APBB1IP: variants seen among roughly 807,000 people sequenced by gnomAD.
APBB1IP encodes the protein amyloid beta A4 precursor protein-binding family B member 1-interacting protein.
Under a neutral mutation model 64.9 loss-of-function variants are expected in APBB1IP, and 27 were observed. That is an observed-to-expected ratio of 0.42 (90% confidence interval 0.31 to 0.57). The LOEUF is 0.57. APBB1IP is among the 20% of genes least tolerant of loss of function. The probability of loss-of-function intolerance (pLI) is 0.20; values close to 1 mark genes in which losing one functional copy is unlikely to be tolerated. For missense variants in APBB1IP, 812 were observed against 845.5 expected, an observed-to-expected ratio of 0.96 and a Z score of 0.49; for synonymous variants, 392 against 331.0, an observed-to-expected ratio of 1.18 and a Z score of -2.00.
intron 11 of APBB1IP, among the ~76,000 whole-genome samples, chr10:26,547,876 TC>T (rs1449138166): frequency 2.0e-5 from 3 of 152,236 alleles, no homozygotes; most frequent in African/African-American, 7.2e-5. Flanking sequence ...ACACTATCTT[TC>T]CCTCAATGTG....
chr10:26,496,194 C>T (rs1836021820), intron 3 of APBB1IP, 110 bp from the exon 4 acceptor site: 6 of 787,144 alleles, frequency 7.6e-6, no homozygotes, highest in South Asian at 1.8e-5. Flanking sequence ...AGAGAACACA[C>T]TAAGGGAGAA....
At chr10:26,529,310 T>C (rs1564370278) in intron 8 of APBB1IP, among the ~76,000 whole-genome samples, 1 of 152,274 alleles carries the variant, frequency 6.6e-6, no homozygotes, top group Non-Finnish European at 1.5e-5. Flanking sequence ...GCAATCAGTC[T>C]TATTATTCTA....
intron 2 of APBB1IP, among the ~76,000 whole-genome samples, chr10:26,439,785 G>A (rs1293228910): frequency 1.3e-5 from 2 of 152,206 alleles, no homozygotes; most frequent in African/African-American, 2.4e-5. Flanking sequence ...TTTTCTGGTG[G>A]CATAACGTGG....
At position 26,536,199 on chromosome 10, in the gene APBB1IP, A is replaced by G. The variant is rs764604304; in HGVS notation, c.1026A>G (p.Val342=). The G allele has an allele frequency of 1.3e-6, 2 of 1,572,480 alleles. No individual in the cohort carries two copies. The highest frequency in any genetic ancestry group is 1.2e-5 in the South Asian group (1 of 83,506). The change falls in exon 10 of 15, where the codon GTA becomes GTG. Residue 342 remains valine, a synonymous_variant. Transcript: ENST00000376236. The part of the protein sequence containing the change: ...FLLRASGIYY[V]PKGKTKTSRD... ...TACGGGCTTCTGGAATTTATTATGT[A>G]CCCAAAGGAAAGACTAAGGTCAGAA...
Position 26,511,771 on chromosome 10 carries a change from G to A in APBB1IP, c.556G>A (p.Asp186Asn). The A allele has an allele frequency of 6.2e-7, 1 of 1,614,166 alleles. No individual in the cohort carries two copies. Among genetic ancestry groups the A allele is most frequent in the East Asian group, 2.2e-5 (1 of 44,878 alleles). Residue 186 changes from aspartate to asparagine, a missense_variant, in exon 7 of 15, where the codon GAT (aspartate) becomes AAT (asparagine). Asp to Asn is a conservative substitution (Grantham distance 23). Around this residue, in one of 3 missense-constraint regions of APBB1IP, gnomAD observed 394 missense variants for 413.1 expected, o/e 0.95. Transcript: ENST00000376236. ...GCTCGTCGTCAAGGTGCACATGAAT[G>A]ATAACAGCACAAAGTCACTGATGGT... ...KKLVVKVHMN[D>N]NSTKSLMVDE... is the part of the protein sequence containing the mutation.
At chr10:26,479,496 A>T (rs920054005) in intron 2 of APBB1IP, among the ~76,000 whole-genome samples, 3 of 152,168 alleles carry the variant, frequency 2.0e-5, no homozygotes, top group Non-Finnish European at 2.9e-5. Context: ...TGAACCCAAA[A>T]GGACTTAACT....
intron 2 of APBB1IP, among the ~76,000 whole-genome samples, chr10:26,450,675 C>T (rs1227987469): frequency 6.7e-6 from 1 of 148,844 alleles, no homozygotes; most frequent in African/African-American, 2.5e-5. Context: ...CCCCTGCCCT[C>T]CTGGAACTCA....
At chr10:26,480,284 G>A (rs913233519) in intron 2 of APBB1IP, among the ~76,000 whole-genome samples, 1 of 152,130 alleles carries the variant, frequency 6.6e-6, no homozygotes, top group Non-Finnish European at 1.5e-5. Context: ...CCTGACCCAG[G>A]TGACCTCCCA....
At chr10:26,468,901 A>C (rs1835678402) in intron 2 of APBB1IP, among the ~76,000 whole-genome samples, 1 of 152,228 alleles carries the variant, frequency 6.6e-6, no homozygotes, top group South Asian at 2.1e-4. Flanking sequence ...TCGTGTCCCC[A>C]CAGGCTTATG....
chr10:26,447,978 C>T (rs1271302694), intron 2 of APBB1IP, among the ~76,000 whole-genome samples: 2 of 151,590 alleles, frequency 1.3e-5, no homozygotes, highest in East Asian at 3.9e-4. Context: ...ATGATATATC[C>T]AAAAATGATA....
chr10:26,545,791 A>C (rs1159408218), intron 11 of APBB1IP, among the ~76,000 whole-genome samples: 1 of 143,674 alleles, frequency 7.0e-6, no homozygotes, highest in African/African-American at 2.6e-5. Flanking sequence ...ACAAAAAAAA[A>C]CCACAAAAAT....
Position 26,536,224 on chromosome 10 carries a change from A to T in APBB1IP, c.1044+7A>T. 3 of 616,694 alleles carry T rather than the reference A, an allele frequency of 4.9e-6. No individual in the cohort carries two copies. Among genetic ancestry groups the T allele is most frequent in the Non-Finnish European group, 6.5e-6 (3 of 460,136 alleles). 38.2% of individuals were successfully genotyped at this position (616,694 alleles called of 1,614,324 possible). A position where few individuals can be genotyped will look rare whatever the true frequency, so the allele number is the denominator to read the frequency against. On this transcript the variant is annotated splice_region_variant and intron_variant, in intron 10 of 14. Transcript: ENST00000376236. ...ACCCAAAGGAAAGACTAAGGTCAGAAAAAAAAAAAAAAAAGCACTTAGCAA... is the reference window on the plus strand; with the variant it reads ...ACCCAAAGGAAAGACTAAGGTCAGATAAAAAAAAAAAAAAGCACTTAGCAA...
chr10:26,459,186 G>A lies in APBB1IP; in HGVS notation c.-1+20333G>A, dbSNP rs546593545. Among the ~76,000 whole-genome samples, 12 of 147,336 alleles carry A rather than the reference G, an allele frequency of 8.1e-5. No homozygotes were observed. In the South Asian group the frequency reaches 1.3e-3, roughly 16 times the overall value. The stretch of plus-strand genomic sequence containing the variant: ...TTCCCACCTATGAGTGAGAACATGC[G>A]GTGTTTGGTTTTTTGTCCTTGTGAC... On this transcript the variant is annotated intron_variant, in intron 2 of 14. Coordinates refer to ENST00000376236, the MANE Select transcript of APBB1IP (RefSeq NM_019043.4).
chr10:26,538,270 A>G (rs186009882), intron 10 of APBB1IP, among the ~76,000 whole-genome samples: 1 of 152,340 alleles, frequency 6.6e-6, no homozygotes, highest in African/African-American at 2.4e-5. Flanking sequence ...TAAACTCAGC[A>G]AGAAATGTTC....
chr10:26,518,406 C>T (rs1836359873), intron 8 of APBB1IP, among the ~76,000 whole-genome samples: 1 of 152,048 alleles, frequency 6.6e-6, no homozygotes, highest in South Asian at 2.1e-4. Context: ...CACCACCACA[C>T]CTGGCTAGTT....
At chr10:26,460,393 C>T (rs997876877) in intron 2 of APBB1IP, among the ~76,000 whole-genome samples, 1 of 152,160 alleles carries the variant, frequency 6.6e-6, no homozygotes, top group Non-Finnish European at 1.5e-5. Flanking sequence ...GACTCCCCAG[C>T]AATGTTTAGG....
At chr10:26,456,015 T>C (rs1027322789) in intron 2 of APBB1IP, among the ~76,000 whole-genome samples, 7 of 152,230 alleles carry the variant, frequency 4.6e-5, no homozygotes, top group Non-Finnish European at 8.8e-5. Context: ...CATTAATGTA[T>C]CATCCCATTG....
chr10:26,547,392 C>G (rs1204481101), intron 11 of APBB1IP, among the ~76,000 whole-genome samples: 6 of 151,914 alleles, frequency 3.9e-5, no homozygotes, highest in Admixed American at 2.6e-4. Context: ...TAGGCAGATT[C>G]ACCGTTTTGG....
chr10:26,560,679 A>G (rs1836956017), intron 12 of APBB1IP, 51 bp from the exon 13 acceptor site: 1 of 1,352,170 alleles, frequency 7.4e-7, no homozygotes. Context: ...TTGAGTGCAG[A>G]ATTTGGGATA....
Sources: allele counts gnomAD v4.1 joint callset (sites outside exome capture counted in the v4.1 genomes callset), GRCh38; gene constraint gnomAD v4.1.1; regional missense constraint gnomAD v4.1.1; transcripts MANE v1.5; gene names NCBI Gene and HGNC (gene_info 2026-07-23, HGNC 2026-07-21).